IFT74: variants seen among roughly 807,000 people sequenced by gnomAD.
IFT74 encodes the protein intraflagellar transport protein 74 homolog.
In IFT74, 92 loss-of-function variants were observed where a neutral mutation model predicts 96.7. That is an observed-to-expected ratio of 0.95 (90% confidence interval 0.80 to 1.13). The LOEUF (loss-of-function observed/expected upper bound fraction) is 1.13, where lower values mean the gene tolerates loss of function less well. IFT74 is among the 50% of genes most tolerant of loss of function. IFT74 has a pLI of 0.00. For missense variants in IFT74, 811 were observed against 698.2 expected (o/e 1.16, Z -1.82); for synonymous variants, 223 against 213.2 (o/e 1.05, Z -0.40).
chr9:27,057,044 C>T (rs557938125), intron 18 of IFT74, among the ~76,000 whole-genome samples: 1 of 152,092 alleles, frequency 6.6e-6, no homozygotes, highest in African/African-American at 2.4e-5. Flanking sequence ...TTTCCCTTGT[C>T]AATATATATA....
chr9:27,012,293 G>A (rs1829121051), intron 10 of IFT74, among the ~76,000 whole-genome samples: 1 of 152,090 alleles, frequency 6.6e-6, no homozygotes, highest in African/African-American at 2.4e-5. Flanking sequence ...CATGATCGTA[G>A]CTCACTGTAA....
chr9:27,010,715 C>T (rs1829026107), intron 9 of IFT74, among the ~76,000 whole-genome samples: 1 of 118,658 alleles, frequency 8.4e-6, no homozygotes, highest in Admixed American at 7.8e-5. Context: ...TGATCCGCCC[C>T]CCTCGGCTTC....
intron 8 of IFT74, chr9:26,996,285 G>C (rs1209620339): frequency 1.9e-5 from 26 of 1,336,494 alleles, no homozygotes; most frequent in Non-Finnish European, 2.5e-5. Flanking sequence ...ATTCAGCAGT[G>C]TTAATATATA....
chr9:27,013,965 C>T (rs2131612128), intron 10 of IFT74, among the ~76,000 whole-genome samples: 1 of 152,276 alleles, frequency 6.6e-6, no homozygotes, highest in South Asian at 2.1e-4. Flanking sequence ...CCTGTAATCC[C>T]AGCACTTTGG....
intron 2 of IFT74, among the ~76,000 whole-genome samples, chr9:26,964,699 C>G (rs796113397): frequency 3.9e-5 from 6 of 152,230 alleles, no homozygotes; most frequent in African/African-American, 9.6e-5. Flanking sequence ...CATGACATTT[C>G]TTTTGATGCT....
chr9:27,018,261 T>C (rs1387638807), intron 11 of IFT74, among the ~76,000 whole-genome samples: 1 of 152,204 alleles, frequency 6.6e-6, no homozygotes, highest in African/African-American at 2.4e-5. Context: ...CTCAAAGGTA[T>C]TCACTATTTA....
intron 12 of IFT74, among the ~76,000 whole-genome samples, chr9:27,022,046 T>TG (rs1829629791): frequency 6.6e-6 from 1 of 152,244 alleles, no homozygotes; most frequent in Non-Finnish European, 1.5e-5. Flanking sequence ...TTCTCCTACT[T>TG]GTGGCTTGCC....
chr9:26,988,248 G>T (rs935252285), intron 6 of IFT74, among the ~76,000 whole-genome samples: 1 of 152,028 alleles, frequency 6.6e-6, no homozygotes, highest in Admixed American at 6.6e-5. Flanking sequence ...CACCGAGCCC[G>T]GCTTACTAGT....
intron 11 of IFT74, 105 bp from the exon 12 acceptor site, chr9:27,018,542 G>C: frequency 1.9e-6 from 1 of 517,278 alleles, no homozygotes. Context: ...AAAGAGAGTA[G>C]ATTTGACACT....
Position 26,948,448 on chromosome 9 carries a change from A to ATTTTTTTT in IFT74, c.-20+1335_-20+1342dup, listed in dbSNP as rs71841244. 2.2e-3 allele frequency among the ~76,000 whole-genome samples: 130 copies of ATTTTTTTT among 59,146 alleles called. 21 individuals are homozygous for ATTTTTTTT. Among genetic ancestry groups the ATTTTTTTT allele is most frequent in the Non-Finnish European group, 3.5e-3 (91 of 26,074 alleles). The allele number at this position is 59,146 out of a possible 152,430, so 38.8% of individuals were successfully genotyped here. On this transcript the variant is annotated intron_variant, in intron 1 of 19. Coordinates refer to the IFT74 transcript ENST00000433700. ...TGACAACCTGTGATGGCTTTCCATT[A>ATTTTTTTT]TTTTTTTTTTTTTTTTTTTTTTTTT...
intron 16 of IFT74, among the ~76,000 whole-genome samples, chr9:27,052,988 C>T (rs935336348): frequency 2.6e-5 from 4 of 151,882 alleles, no homozygotes; most frequent in Non-Finnish European, 4.4e-5. Context: ...CTCAGCCTCC[C>T]GAGTAGCTGG....
At chr9:27,034,407 A>G (rs556965440) in intron 13 of IFT74, among the ~76,000 whole-genome samples, 4 of 152,330 alleles carry the variant, frequency 2.6e-5, no homozygotes, top group East Asian at 1.9e-4. Flanking sequence ...TGGTTTGTCT[A>G]TAGTATACTT....
chr9:27,036,541 G>C, intron 13 of IFT74: 2 of 1,610,296 alleles, frequency 1.2e-6, no homozygotes, highest in Non-Finnish European at 1.7e-6. Context: ...GCACTATGCT[G>C]AATCCATTTG....
chr9:26,971,130 T>C (rs1037345567), intron 2 of IFT74, among the ~76,000 whole-genome samples: 1 of 152,234 alleles, frequency 6.6e-6, no homozygotes, highest in African/African-American at 2.4e-5. Context: ...GCAGTTGCGC[T>C]TGAGAAGGAG....
chr9:27,059,806 G>C (rs906532549), intron 18 of IFT74, among the ~76,000 whole-genome samples: 6 of 152,124 alleles, frequency 3.9e-5, no homozygotes, highest in African/African-American at 1.4e-4. Context: ...CATTTCCACT[G>C]TTGCTTCAAT....
At chr9:26,980,656 T>G in intron 4 of IFT74, 37 bp downstream of exon 4, 1 of 1,345,400 alleles carries the variant, frequency 7.4e-7, no homozygotes, top group Non-Finnish European at 1.1e-6. Context: ...TATGTTTTAC[T>G]CGAAATATTG....
chr9:27,012,708 G>GTTTTTTTTTTTTT lies in IFT74; in HGVS notation c.789+755_789+767dup, dbSNP rs772920018. On this transcript the variant is annotated intron_variant, in intron 10 of 19. Transcript: ENST00000380062. ...GAACAAGAGGAAAGTAAAAATGTCT[G>GTTTTTTTTTTTTT]TTTTTTTTTTTTTTTTTTTTTTTTT... is the stretch of plus-strand genomic sequence containing the variant. Among the ~76,000 whole-genome samples, 2 of 53,874 alleles carry GTTTTTTTTTTTTT rather than the reference G, an allele frequency of 3.7e-5. 1 individual carries two copies. Among genetic ancestry groups the GTTTTTTTTTTTTT allele is most frequent in the East Asian group, 1.3e-3 (2 of 1,592 alleles). 35.3% of individuals were successfully genotyped at this position (53,874 alleles called of 152,430 possible). A position where few individuals can be genotyped will look rare whatever the true frequency, so the allele number is the denominator to read the frequency against.
intron 15 of IFT74, among the ~76,000 whole-genome samples, chr9:27,047,706 A>G (rs1038183086): frequency 3.3e-5 from 5 of 152,232 alleles, no homozygotes; most frequent in African/African-American, 9.6e-5. Context: ...TAATTTCAAA[A>G]TCTAGACATG....
chr9:27,032,454 A>G (rs1423724717), intron 13 of IFT74, among the ~76,000 whole-genome samples: 1 of 152,102 alleles, frequency 6.6e-6, no homozygotes, highest in African/African-American at 2.4e-5. Context: ...AAGGTAGATC[A>G]TTTTACTTAT....
Sources: allele counts gnomAD v4.1 joint callset (sites outside exome capture counted in the v4.1 genomes callset), GRCh38; gene constraint gnomAD v4.1.1; transcripts MANE v1.5; gene names NCBI Gene and HGNC (gene_info 2026-07-23, HGNC 2026-07-21).